EHMT1: variants seen among roughly 807,000 people sequenced by gnomAD.
EHMT1 encodes euchromatic histone lysine methyltransferase 1.
Under a neutral mutation model 147.2 loss-of-function variants are expected in EHMT1, and 15 were observed. The ratio of observed to expected loss-of-function variants is 0.10; its 90% CI spans 0.07 to 0.16. The LOEUF (loss-of-function observed/expected upper bound fraction) is 0.16, where lower values mean the gene tolerates loss of function less well. EHMT1 is among the 10% of genes least tolerant of loss of function. The pLI is 1.00. For synonymous variants in EHMT1, 795 were observed against 709.6 expected (o/e 1.12, Z -1.91); for missense variants, 1,587 against 1,772.4 (o/e 0.90, Z 1.88).
At chr9:137,669,343 AC>A (rs1940163907) in intron 1 of EHMT1, among the ~76,000 whole-genome samples, 1 of 7,444 alleles carries the variant, frequency 1.3e-4, no homozygotes, top group Admixed American at 1.6e-3. Flanking sequence ...CGTGGACCCC[AC>A]ACCACCCAAG....
At chr9:137,779,788 T>C (rs1951241702) in intron 14 of EHMT1, 71 bp downstream of exon 14, 1 of 1,538,346 alleles carries the variant, frequency 6.5e-7, no homozygotes, top group East Asian at 2.3e-5. Context: ...AGAGCAGTTG[T>C]TACTCCTTCC....
At chr9:137,633,823 A>AT (rs4030112) in intron 1 of EHMT1, among the ~76,000 whole-genome samples, 11,095 of 137,618 alleles carry the variant, frequency 0.081, 509 homozygotes, top group South Asian at 0.17. Flanking sequence ...TCACTTTCTA[A>AT]TTTTTTTTTT....
At chr9:137,803,118 C>G (rs1380422208) in intron 18 of EHMT1, 3 of 1,229,286 alleles carry the variant, frequency 2.4e-6, no homozygotes, top group Non-Finnish European at 3.0e-6. Context: ...GTCCAGGTGT[C>G]AGAGCTGTTA....
At chr9:137,755,618 C>T (rs1054390551) in intron 8 of EHMT1, among the ~76,000 whole-genome samples, 4 of 152,148 alleles carry the variant, frequency 2.6e-5, no homozygotes, top group East Asian at 1.9e-4. Context: ...AGTAGAGTGG[C>T]GTGTGTTCAG....
chr9:137,762,481 C>T (rs2136351803), intron 9 of EHMT1, among the ~76,000 whole-genome samples, 194 bp from the exon 10 acceptor site: 1 of 152,310 alleles, frequency 6.6e-6, no homozygotes, highest in South Asian at 2.1e-4. Flanking sequence ...GCTGGGGAGG[C>T]ACAGGCCACC....
At chr9:137,682,659 A>G (rs1185776688) in intron 1 of EHMT1, among the ~76,000 whole-genome samples, 2 of 152,182 alleles carry the variant, frequency 1.3e-5, no homozygotes, top group African/African-American at 4.8e-5. Context: ...TCACATGACA[A>G]GGAGCTTGGA....
At chr9:137,739,966 A>G (rs917794561) in intron 4 of EHMT1, among the ~76,000 whole-genome samples, 6 of 152,250 alleles carry the variant, frequency 3.9e-5, no homozygotes, top group South Asian at 2.1e-4. Flanking sequence ...GCCCTGCTCT[A>G]TGTGACCTGA....
chr9:137,790,697 C>T (rs1952458934), intron 15 of EHMT1, 151 bp from the exon 16 acceptor site: 2 of 1,041,718 alleles, frequency 1.9e-6, no homozygotes, highest in Non-Finnish European at 1.5e-6. Flanking sequence ...ATAATTATGT[C>T]TTTGAATACG....
intron 1 of EHMT1, among the ~76,000 whole-genome samples, chr9:137,693,177 C>T (rs1045954825): frequency 6.6e-6 from 1 of 152,116 alleles, no homozygotes; most frequent in East Asian, 1.9e-4. Context: ...GAGTTGGAGA[C>T]GCACAGTGAG....
At chr9:137,660,046 T>C (rs1253028853) in intron 1 of EHMT1, among the ~76,000 whole-genome samples, 1 of 152,100 alleles carries the variant, frequency 6.6e-6, no homozygotes, top group Non-Finnish European at 1.5e-5. Flanking sequence ...CGATTTCATC[T>C]TTCTTCATGT....
At chr9:137,754,092 A>G in intron 7 of EHMT1, 79 bp from the exon 8 acceptor site, 3 of 1,608,590 alleles carry the variant, frequency 1.9e-6, no homozygotes, top group Non-Finnish European at 2.6e-6. Context: ...CTGTTTTGCA[A>G]GAAAACACTT....
At chr9:137,824,809 T>C (rs1955694188) in intron 25 of EHMT1, among the ~76,000 whole-genome samples, 2 of 152,336 alleles carry the variant, frequency 1.3e-5, no homozygotes, top group South Asian at 2.1e-4. Flanking sequence ...AATGCGGAAA[T>C]ACTTGATTTT....
At chr9:137,717,630 A>C (rs943703061) in intron 3 of EHMT1, among the ~76,000 whole-genome samples, 6 of 136,328 alleles carry the variant, frequency 4.4e-5, no homozygotes, top group Non-Finnish European at 9.3e-5. Flanking sequence ...AAAAAAAGAG[A>C]TGCTGCTAAT....
At position 137,798,823 on chromosome 9, in the gene EHMT1, G is replaced by T. The variant is rs1554888939; in HGVS notation, c.2516G>T (p.Gly839Val). The T allele has an allele frequency of 6.2e-7, 1 of 1,613,682 alleles. No homozygotes were observed. ...GALVDPKDAE[G>V]STCLHLAAKK... is the part of the protein sequence containing the mutation. ...GCATTTCTGTTGCAGGACGCAGAGG[G>T]CTCTACGTGTTTGCACCTGGCTGCC... Residue 839 changes from glycine to valine, a missense_variant, in exon 17 of 27, where the codon GGC (glycine) becomes GTC (valine). Around this residue, in one of 7 missense-constraint regions of EHMT1, gnomAD observed 201 missense variants for 350.1 expected, o/e 0.57. Transcript: ENST00000460843.
chr9:137,710,888 G>T (rs1165421181), intron 1 of EHMT1, 79 bp from the exon 2 acceptor site: 5 of 1,496,908 alleles, frequency 3.3e-6, no homozygotes, highest in Non-Finnish European at 4.5e-6. Flanking sequence ...ACGATTTTTT[G>T]ACTTTTTCCA....
At chr9:137,655,953 TA>T (rs143751403) in intron 1 of EHMT1, among the ~76,000 whole-genome samples, 252 of 152,296 alleles carry the variant, frequency 1.7e-3, no homozygotes, top group African/African-American at 5.8e-3. Context: ...ATCAGTGATA[TA>T]AAAATGTTTT....
intron 18 of EHMT1, among the ~76,000 whole-genome samples, chr9:137,807,932 C>G (rs1260966770): frequency 1.3e-5 from 2 of 152,206 alleles, no homozygotes; most frequent in African/African-American, 4.8e-5. Flanking sequence ...ATCTGGTAAC[C>G]TGTAGCCGAT....
intron 14 of EHMT1, among the ~76,000 whole-genome samples, chr9:137,780,376 TGTGATGACGCTGGGATGTGTG>T (rs1951321614): frequency 2.4e-5 from 2 of 81,872 alleles, no homozygotes; most frequent in Middle Eastern, 8.2e-3. Context: ...CGCTGAGACG[TGTGATGACGCTGGGATGTGTG>T]GTGATGACGC....
intron 1 of EHMT1, among the ~76,000 whole-genome samples, chr9:137,678,720 G>A (rs996625861): frequency 2.4e-5 from 1 of 42,452 alleles, no homozygotes; most frequent in Non-Finnish European, 5.1e-5. Flanking sequence ...CCCCCCCCCC[G>A]CTCCCCCCGA....
Sources: allele counts gnomAD v4.1 joint callset (sites outside exome capture counted in the v4.1 genomes callset), GRCh38; gene constraint gnomAD v4.1.1; regional missense constraint gnomAD v4.1.1; transcripts MANE v1.5; gene names NCBI Gene and HGNC (gene_info 2026-07-23, HGNC 2026-07-21).